Variants in RIMBP2 observed in about 807,000 individuals in gnomAD.
RIMBP2 encodes the protein RIMS binding protein 2, also known as RIMS-binding protein 2.
Under a neutral mutation model 118.6 loss-of-function variants are expected in RIMBP2, and 48 were observed. The ratio of observed to expected loss-of-function variants is 0.40; its 90% CI spans 0.32 to 0.51. RIMBP2 has a LOEUF of 0.51. Ranked by LOEUF, RIMBP2 falls within the 20% of genes least tolerant of loss-of-function variation. The pLI, the probability that RIMBP2 is intolerant of heterozygous loss-of-function variation, is 0.41. For missense variants in RIMBP2, 1,551 were observed against 1,768.3 expected (o/e 0.88, Z 2.20); for synonymous variants, 762 against 742.9 (o/e 1.03, Z -0.42).
chr12:130,647,310 C>G (rs1196350418), intron 1 of RIMBP2, among the ~76,000 whole-genome samples: 1 of 152,118 alleles, frequency 6.6e-6, no homozygotes, highest in Non-Finnish European at 1.5e-5. Flanking sequence ...TTGCAGTGAG[C>G]TGAGATCGCA....
At chr12:130,406,109 AAC>A (rs1429929477) in intron 21 of RIMBP2, 61 bp downstream of exon 21, 12 of 1,112,782 alleles carry the variant, frequency 1.1e-5, no homozygotes, top group Admixed American at 5.5e-5. Flanking sequence ...AGCAAAACAA[AAC>A]ACACAAAATA....
intron 4 of RIMBP2, among the ~76,000 whole-genome samples, chr12:130,481,999 T>C (rs554889279): frequency 1.3e-5 from 2 of 150,862 alleles, no homozygotes; most frequent in East Asian, 4.0e-4. Context: ...CTGCATACAT[T>C]GCAGGGCATT....
chr12:130,457,259 G>T (rs1321756237), intron 6 of RIMBP2, among the ~76,000 whole-genome samples: 2 of 152,102 alleles, frequency 1.3e-5, no homozygotes, highest in African/African-American at 4.8e-5. Context: ...GAGCAATAAG[G>T]ACTCTCTATC....
In RIMBP2 at chr12:130,523,397, G is replaced by A. The variant is rs180806627; in HGVS notation, c.-216-5480C>T. Among the ~76,000 whole-genome samples the A allele has an allele frequency of 5.3e-5, 8 of 152,210 alleles. No homozygotes were observed. The highest frequency in any genetic ancestry group is 7.3e-5 in the Non-Finnish European group (5 of 68,050). On this transcript the variant is annotated intron_variant, in intron 2 of 22. Transcript: ENST00000690449. The surrounding 1 kb of genome is among the most constrained non-coding windows in gnomAD (Gnocchi z 4.4). Reference sequence around the variant, plus strand: ...GAGAGCTCTGTCATTTAAGCTGCCCGGTCTGTGGGATCCTGCTATGGCAGC... The same window carrying A: ...GAGAGCTCTGTCATTTAAGCTGCCCAGTCTGTGGGATCCTGCTATGGCAGC...
intron 4 of RIMBP2, among the ~76,000 whole-genome samples, chr12:130,496,098 G>C (rs1322741696): frequency 6.6e-6 from 1 of 152,152 alleles, no homozygotes; most frequent in Non-Finnish European, 1.5e-5. Context: ...GATACGGTTT[G>C]GCTGTGCCCC....
chr12:130,439,985 T>G (rs1456219016), intron 11 of RIMBP2, among the ~76,000 whole-genome samples: 3 of 151,088 alleles, frequency 2.0e-5, no homozygotes, highest in Non-Finnish European at 2.9e-5. Flanking sequence ...GTGTGTGGGG[T>G]GTGTGTGAGT....
intron 2 of RIMBP2, among the ~76,000 whole-genome samples, chr12:130,625,908 AC>A (rs1307985176): frequency 2.0e-5 from 3 of 152,146 alleles, no homozygotes; most frequent in African/African-American, 7.2e-5. Flanking sequence ...ACAACTAATA[AC>A]CCACACCACT....
intron 1 of RIMBP2, among the ~76,000 whole-genome samples, chr12:130,693,396 T>TG (rs113247226): frequency 0.067 from 10,167 of 152,184 alleles, 1,133 homozygotes; most frequent in African/African-American, 0.23. Flanking sequence ...ATGCCTGTGA[T>TG]GGGGGGTCGC....
intron 2 of RIMBP2, among the ~76,000 whole-genome samples, chr12:130,602,724 G>A (rs1027052569): frequency 1.2e-4 from 18 of 152,198 alleles, no homozygotes; most frequent in East Asian, 7.7e-4. Context: ...AGAAGAATTC[G>A]CCAACGGTGG....
rs368352235 is a variant in RIMBP2 at position 130,412,506 on chromosome 12, G to A, written c.3589+113C>T. On this transcript the variant is annotated intron_variant, in intron 19 of 22. Transcript: ENST00000690449. The stretch of plus-strand genomic sequence containing the variant: ...ACTGGTCAACATTTACATGACTTTG[G>A]CATATTTAAATGATGCAATTTGGGG... 5.9e-5 allele frequency: 58 copies of A among 980,052 alleles called. No individual in the cohort carries two copies. In the African/African-American group the frequency reaches 9.2e-4, roughly 16 times the overall value. The allele number at this position is 980,052 out of a possible 1,614,324, so 60.7% of individuals were successfully genotyped here.
rs1229504726 is a variant in RIMBP2, at chr12:130,446,662, T to G, written c.582-1393A>C. On this transcript the variant is annotated intron_variant, in intron 9 of 22. Transcript: ENST00000690449. The surrounding 1 kb of genome is among the most constrained non-coding windows in gnomAD (Gnocchi z 4.1). ...GGGACAAGAGCTCTGGAAGAAGGAA[T>G]AGCATGCGCCAAGGCCCAGAGGCAG... Among the ~76,000 whole-genome samples the G allele has an allele frequency of 6.6e-6, 1 of 152,112 alleles. No homozygotes were observed. Among genetic ancestry groups the G allele is most frequent in the African/African-American group, 2.4e-5 (1 of 41,406 alleles).
chr12:130,460,663 T>C (rs561981958), intron 6 of RIMBP2, among the ~76,000 whole-genome samples: 1 of 152,188 alleles, frequency 6.6e-6, no homozygotes, highest in Admixed American at 6.5e-5. Context: ...TTGGTGTTAG[T>C]ATTAGTAGCA....
rs551105485 is a variant in RIMBP2, at chr12:130,639,381, C to G, written c.-351-10925G>C. ...CCCAGCCTGGGCAATAAAACTCCAT[C>G]TTAAAAAAAAAAAAAATCTATTGGC... On this transcript the variant is annotated intron_variant, in intron 1 of 22. Coordinates refer to ENST00000690449, the MANE Select transcript of RIMBP2 (RefSeq NM_001393629.1). 3.8e-3 allele frequency among the ~76,000 whole-genome samples: 172 copies of G among 45,644 alleles called. 2 individuals are homozygous for G. Among genetic ancestry groups the G allele is most frequent in the African/African-American group, 9.4e-3 (161 of 17,138 alleles). The allele number at this position is 45,644 out of a possible 152,430, so 29.9% of individuals were successfully genotyped here.
chr12:130,500,240 A>G (rs1307577483), intron 4 of RIMBP2, among the ~76,000 whole-genome samples: 1 of 152,208 alleles, frequency 6.6e-6, no homozygotes, highest in African/African-American at 2.4e-5. Flanking sequence ...CAGGCAGATC[A>G]CAAGGTCAGG....
At chr12:130,506,608 A>G in intron 4 of RIMBP2, 40 bp downstream of exon 4, 1 of 985,660 alleles carries the variant, frequency 1.0e-6, no homozygotes, top group Non-Finnish European at 1.2e-6. Flanking sequence ...CCGACCTCAC[A>G]AAGAGCAGAA....
chr12:130,661,547 C>T (rs879456241), intron 1 of RIMBP2, among the ~76,000 whole-genome samples: 14 of 152,120 alleles, frequency 9.2e-5, no homozygotes, highest in Admixed American at 8.5e-4. Context: ...AGGTGCTGAC[C>T]GCTGACAACT....
intron 4 of RIMBP2, among the ~76,000 whole-genome samples, chr12:130,479,976 C>T (rs941065737): frequency 4.0e-5 from 6 of 151,846 alleles, no homozygotes; most frequent in African/African-American, 1.5e-4. Context: ...AGGACCAGGC[C>T]CCCAGACCCA....
Position 130,631,114 on chromosome 12 carries a change from TAGAGA to T in RIMBP2, c.-351-2663_-351-2659del, listed in dbSNP as rs139945648. On this transcript the variant is annotated intron_variant, in intron 1 of 22. Transcript: ENST00000690449. ...CAAAGAGCTTTAGAAATAAAGAATC[TAGAGA>T]AAAGAGAGACTCAAGAAAAGCTTTT... 2.5e-3 allele frequency among the ~76,000 whole-genome samples: 378 copies of T among 152,212 alleles called. 10 individuals carry two copies. The East Asian group carries it at 0.063, about 25-fold the overall frequency.
rs1198878496 is a variant in RIMBP2, at chr12:130,546,910, G to T, written c.-216-28993C>A. Reference sequence around the variant, plus strand: ...CTATTTCCCTGTAGTTTCACTTGATGGAATGAGAGGCTGGCCCTGTGAGAT... The same window carrying T: ...CTATTTCCCTGTAGTTTCACTTGATTGAATGAGAGGCTGGCCCTGTGAGAT... On this transcript the variant is annotated intron_variant, in intron 2 of 22. Transcript: ENST00000690449. Among the ~76,000 whole-genome samples the T allele has an allele frequency of 2.6e-5, 4 of 152,300 alleles. No individual in the cohort carries two copies. The East Asian group carries it at 5.8e-4, about 22-fold the overall frequency.
Sources: gnomAD v4.1 joint callset for allele counts (sites outside exome capture counted in the v4.1 genomes callset) on GRCh38, gnomAD v4.1.1 for gene constraint, Gnocchi (gnomAD v3.1) non-coding constraint, MANE v1.5 for transcripts, NCBI Gene and HGNC (gene_info 2026-07-23, HGNC 2026-07-21) for gene names.